Variants in LAMC1 observed in about 807,000 individuals in gnomAD.
The protein encoded by LAMC1 is laminin subunit gamma 1.
Under a neutral mutation model 173.6 loss-of-function variants are expected in LAMC1, and 38 were observed. The ratio of observed to expected loss-of-function variants is 0.22; its 90% CI spans 0.17 to 0.29. LAMC1 has a LOEUF of 0.29. LAMC1 is among the 10% of genes least tolerant of loss of function. LAMC1 has a pLI of 1.00. For synonymous variants in LAMC1, 746 were observed against 749.1 expected, an observed-to-expected ratio of 1.00 and a Z score of 0.07; for missense variants, 1,824 against 2,051.8, an observed-to-expected ratio of 0.89 and a Z score of 2.14.
chr1:183,128,865 C>T (rs1034537058), intron 18 of LAMC1, 115 bp downstream of exon 18: 2 of 787,258 alleles, frequency 2.5e-6, no homozygotes, highest in African/African-American at 1.8e-5. Flanking sequence ...TTAAACTACT[C>T]ATAGATTATA....
chr1:183,066,868 T>G (rs1654886442), intron 1 of LAMC1, among the ~76,000 whole-genome samples: 1 of 152,076 alleles, frequency 6.6e-6, no homozygotes, highest in African/African-American at 2.4e-5. Context: ...GACAGGTTGA[T>G]GGGTTAATGG....
intron 1 of LAMC1, among the ~76,000 whole-genome samples, chr1:183,086,775 T>A (rs1170897198): frequency 6.6e-6 from 1 of 152,230 alleles, no homozygotes; most frequent in Non-Finnish European, 1.5e-5. Context: ...GAAAATTACT[T>A]AAGTCTGAAC....
chr1:183,117,040 T>C, intron 8 of LAMC1, 137 bp downstream of exon 8: 1 of 930,524 alleles, frequency 1.1e-6, no homozygotes, highest in Admixed American at 2.7e-5. Flanking sequence ...GCATAGTTTT[T>C]GTAGTTTGGC....
At chr1:183,131,803 ATTAAAT>A (rs1247149000) in intron 20 of LAMC1, among the ~76,000 whole-genome samples, 1 of 152,200 alleles carries the variant, frequency 6.6e-6, no homozygotes, top group African/African-American at 2.4e-5. Context: ...CTCTCAAATA[ATTAAAT>A]TTAAAAGTAG....
rs542582882 is a variant in LAMC1 at position 183,116,226 on chromosome 1, C to T, written c.1329-351C>T. Reference sequence around the variant, plus strand: ...GGCGCCTGTGGCTCACGCCTGTAATCCCAGCACTTTGGGAAGCCGAGGCAG... The same window carrying T: ...GGCGCCTGTGGCTCACGCCTGTAATTCCAGCACTTTGGGAAGCCGAGGCAG... On this transcript the variant is annotated intron_variant, in intron 6 of 27. Coordinates refer to ENST00000258341, the MANE Select transcript of LAMC1 (RefSeq NM_002293.4). Among the ~76,000 whole-genome samples, 4 of 152,052 alleles carry T rather than the reference C, an allele frequency of 2.6e-5. No homozygotes were observed. In the South Asian group the frequency reaches 8.3e-4, roughly 32 times the overall value.
At chr1:183,086,311 A>G (rs1031213108) in intron 1 of LAMC1, among the ~76,000 whole-genome samples, 4 of 152,262 alleles carry the variant, frequency 2.6e-5, no homozygotes, top group South Asian at 4.1e-4. Flanking sequence ...TTGTGGAAGA[A>G]TGAATGAGCC....
chr1:183,079,068 A>G (rs1429128732), intron 1 of LAMC1, among the ~76,000 whole-genome samples: 1 of 151,824 alleles, frequency 6.6e-6, no homozygotes, highest in African/African-American at 2.4e-5. Context: ...GCTCTCTGGG[A>G]GAGAGAGTGC....
intron 1 of LAMC1, among the ~76,000 whole-genome samples, chr1:183,059,625 C>G (rs1227073244): frequency 2.0e-5 from 3 of 152,172 alleles, no homozygotes; most frequent in Non-Finnish European, 2.9e-5. Context: ...AAGTGACTTG[C>G]TCAGTGTAAG....
At chr1:183,056,014 A>G (rs1654585494) in intron 1 of LAMC1, among the ~76,000 whole-genome samples, 2 of 152,268 alleles carry the variant, frequency 1.3e-5, no homozygotes, top group South Asian at 2.1e-4. Flanking sequence ...ATCAAGTGGC[A>G]TTTTTATATT....
At chr1:183,128,966 A>G (rs1019479830) in intron 18 of LAMC1, 4 of 306,482 alleles carry the variant, frequency 1.3e-5, no homozygotes, top group Non-Finnish European at 2.4e-5. Flanking sequence ...TTTTCCAACA[A>G]ATAAAAAACT....
rs1235779915 is a variant in LAMC1 at position 183,134,517 on chromosome 1, TTAAA to T, written c.3850-142_3850-139del. 62 of 595,578 alleles carry T rather than the reference TTAAA, an allele frequency of 1.0e-4. 1 individual carries two copies. Among genetic ancestry groups the T allele is most frequent in the Middle Eastern group, 4.6e-4 (1 of 2,166 alleles). 36.9% of individuals were successfully genotyped at this position (595,578 alleles called of 1,614,324 possible). A position where few individuals can be genotyped will look rare whatever the true frequency, so the allele number is the denominator to read the frequency against. On this transcript the variant is annotated intron_variant, in intron 22 of 27. Transcript: ENST00000258341. The stretch of plus-strand genomic sequence containing the variant: ...GTGGGTGTAAAGTATATCTCATTTT[TTAAA>T]AAAGTCCATAAAATCTTGATCTGTG...
intron 27 of LAMC1, among the ~76,000 whole-genome samples, chr1:183,141,731 A>G (rs1657119188): frequency 6.6e-6 from 1 of 152,222 alleles, no homozygotes; most frequent in African/African-American, 2.4e-5. Flanking sequence ...AAGCTAGAAG[A>G]GAAAGCTTTT....
intron 1 of LAMC1, among the ~76,000 whole-genome samples, chr1:183,032,558 G>A (rs1206244019): frequency 6.6e-6 from 1 of 151,754 alleles, no homozygotes; most frequent in African/African-American, 2.4e-5. Context: ...GTCTCACTCT[G>A]TTGCCTAAGC....
intron 2 of LAMC1, among the ~76,000 whole-genome samples, chr1:183,107,723 G>C (rs535728555): frequency 6.6e-6 from 1 of 152,088 alleles, no homozygotes; most frequent in African/African-American, 2.4e-5. Flanking sequence ...CCAGCTACTC[G>C]GGAGGCTGAG....
intron 1 of LAMC1, among the ~76,000 whole-genome samples, chr1:183,091,726 CAG>C (rs1213445289): frequency 6.6e-6 from 1 of 152,092 alleles, no homozygotes; most frequent in African/African-American, 2.4e-5. Context: ...AAAGAAGAAA[CAG>C]TGTTTTCTTA....
At position 183,143,594 on chromosome 1, in the gene LAMC1, TACAC is replaced by T. The variant is rs1335381492; in HGVS notation, c.*806_*809del. ...TTTTGATATTCTTATAAATGGAACT[TACAC>T]AGAAGAAATAGGGATATGATAACCA... On this transcript the variant is annotated 3_prime_UTR_variant, in exon 28 of 28. Transcript: ENST00000258341. The T allele has an allele frequency of 5.9e-5, 9 of 152,662 alleles. No individual in the cohort carries two copies. Among genetic ancestry groups the T allele is most frequent in the South Asian group, 4.1e-4 (2 of 4,826 alleles). 9.5% of individuals were successfully genotyped at this position (152,662 alleles called of 1,614,324 possible). A position where few individuals can be genotyped will look rare whatever the true frequency, so the allele number is the denominator to read the frequency against.
At chr1:183,089,303 G>A (rs867227267) in intron 1 of LAMC1, among the ~76,000 whole-genome samples, 1 of 152,204 alleles carries the variant, frequency 6.6e-6, no homozygotes, top group Non-Finnish European at 1.5e-5. Context: ...CATTTCTTCT[G>A]ATATCACTGT....
intron 1 of LAMC1, among the ~76,000 whole-genome samples, chr1:183,067,044 A>G (rs764473238): frequency 1.3e-5 from 2 of 152,218 alleles, no homozygotes; most frequent in Admixed American, 6.5e-5. Context: ...AGTCATTGGT[A>G]TATAGCTTTT....
intron 1 of LAMC1, among the ~76,000 whole-genome samples, chr1:183,035,281 T>C (rs1481994773): frequency 6.6e-6 from 1 of 152,226 alleles, no homozygotes; most frequent in Non-Finnish European, 1.5e-5. Context: ...CTCAAACACC[T>C]GGGCTCAAAC....
Sources: gnomAD v4.1 joint callset for allele counts (sites outside exome capture counted in the v4.1 genomes callset) on GRCh38, gnomAD v4.1.1 for gene constraint, MANE v1.5 for transcripts, NCBI Gene and HGNC (gene_info 2026-07-23, HGNC 2026-07-21) for gene names.